EXOC3L2: variants seen among roughly 807,000 people sequenced by gnomAD.
EXOC3L2 encodes the protein exocyst complex component 3-like protein 2.
A neutral mutation model predicts 44.4 loss-of-function variants in EXOC3L2; 17 were observed. The observed-to-expected ratio is 0.38, with a 90% confidence interval of 0.26 to 0.57. The LOEUF (loss-of-function observed/expected upper bound fraction) is 0.57. EXOC3L2 is among the 20% of genes least tolerant of loss of function. The pLI, the probability that EXOC3L2 is intolerant of heterozygous loss-of-function variation, is 0.65. For synonymous variants in EXOC3L2, 256 were observed against 253.7 expected (o/e 1.01, Z -0.09); for missense variants, 541 against 588.4 (o/e 0.92, Z 0.83).
chr19:45,228,048 TG>T lies in EXOC3L2; in HGVS notation c.1397del (p.Ala466AspfsTer17). ...CCCCAAACTCCTGGCTGATGCGGGG[TG>T]CTCGCTCTGTGTGCTCTTCCAGCAG... Reference protein sequence around the residue: ...CELLEEHTERAPRISQEFGER... With the variant: ...CELLEEHTERXPRISQEFGER... On this transcript the variant is annotated frameshift_variant, in exon 6 of 12. Coordinates refer to ENST00000413988, the MANE Select transcript of EXOC3L2 (RefSeq NM_001382422.1). LOFTEE classifies it high-confidence loss of function. 1 of 1,613,860 alleles carries T rather than the reference TG, an allele frequency of 6.2e-7. No individual in the cohort carries two copies. Among genetic ancestry groups the T allele is most frequent in the Non-Finnish European group, 8.5e-7 (1 of 1,179,976 alleles).
Position 45,242,170 on chromosome 19 carries a change from G to A in EXOC3L2, c.-16-3109C>T, listed in dbSNP as rs577662300. 3.3e-5 allele frequency among the ~76,000 whole-genome samples: 5 copies of A among 152,246 alleles called. No individual in the cohort carries two copies. In the South Asian group the frequency reaches 6.2e-4, roughly 19 times the overall value. ...AAACAATGAAATAGTTCAAACATTC[G>A]GAAAAGTACAGAAGACAAGCTTAAT... is the stretch of plus-strand genomic sequence containing the variant. On this transcript the variant is annotated intron_variant, in intron 1 of 11. Coordinates refer to ENST00000413988, the MANE Select transcript of EXOC3L2 (RefSeq NM_001382422.1).
At chr19:45,217,416 G>T in intron 10 of EXOC3L2, 112 bp downstream of exon 10, 1 of 1,305,918 alleles carries the variant, frequency 7.7e-7, no homozygotes, top group Non-Finnish European at 1.0e-6. Flanking sequence ...TTGGGTGAGA[G>T]TTTCTGTCCT....
intron 8 of EXOC3L2, among the ~76,000 whole-genome samples, chr19:45,220,306 T>A (rs1969883205): frequency 6.6e-6 from 1 of 151,728 alleles, no homozygotes; most frequent in Non-Finnish European, 1.5e-5. Context: ...TCTATAATTT[T>A]TTTTTGTTTG....
rs189049349 is a variant in EXOC3L2, at chr19:45,230,051, G to A, written c.1269+1712C>T. Among the ~76,000 whole-genome samples, 1,289 of 151,730 alleles carry A rather than the reference G, an allele frequency of 8.5e-3. 8 individuals carry two copies. The highest frequency in any genetic ancestry group is 0.011 in the Non-Finnish European group (756 of 67,960). On this transcript the variant is annotated intron_variant, in intron 4 of 11. Coordinates refer to ENST00000413988, the MANE Select transcript of EXOC3L2 (RefSeq NM_001382422.1). ...AATATTGTTTTTCTTTAGAGGCCAC[G>A]TCTTGCTCTGTCCCCCAGGCTGGTG...
At chr19:45,225,000 G>A in intron 7 of EXOC3L2, 87 bp from the exon 8 acceptor site, 1 of 1,374,676 alleles carries the variant, frequency 7.3e-7, no homozygotes, top group Non-Finnish European at 9.5e-7. Context: ...TAGATCAGAG[G>A]GGCACAGGGG....
chr19:45,221,852 G>T (rs1969902058), intron 8 of EXOC3L2, among the ~76,000 whole-genome samples: 1 of 151,090 alleles, frequency 6.6e-6, no homozygotes, highest in African/African-American at 2.4e-5. Flanking sequence ...GCCTCATTAT[G>T]TTGCCCAGGC....
chr19:45,227,669 G>C lies in EXOC3L2; in HGVS notation c.1576C>G (p.Pro526Ala), dbSNP rs759520899. 2 of 1,610,820 alleles carry C rather than the reference G, an allele frequency of 1.2e-6. No homozygotes were observed. Among genetic ancestry groups the C allele is most frequent in the Admixed American group, 1.7e-5 (1 of 59,456 alleles). ...CACCATGGATGCCCTCACCTCAGTG[G>C]GGGGCCGCAGTTGACCAGGGCGATG... Reference protein sequence around the residue: ...KTIALVNCGPPLRALAERLAR... With the variant: ...KTIALVNCGPALRALAERLAR... Residue 526 changes from proline (P) to alanine (A), a missense_variant, in exon 7 of 12, where the codon CCA (proline) becomes GCA (alanine). By Grantham distance (27) the Pro-to-Ala change is conservative. Transcript: ENST00000413988.
At chr19:45,233,597 G>C (rs1054235953) in intron 3 of EXOC3L2, among the ~76,000 whole-genome samples, 1 of 152,110 alleles carries the variant, frequency 6.6e-6, no homozygotes, top group African/African-American at 2.4e-5. Flanking sequence ...TGGGCCCACC[G>C]TGCTGAGCTA....
At chr19:45,240,310 G>T (rs950159618) in intron 1 of EXOC3L2, among the ~76,000 whole-genome samples, 2 of 151,438 alleles carry the variant, frequency 1.3e-5, no homozygotes, top group East Asian at 3.9e-4. Flanking sequence ...TTGAGACAGG[G>T]TCTTGCTATG....
rs779671151 is a variant in EXOC3L2, at chr19:45,227,691, G to A, written c.1554C>T (p.Ile518=). The A allele has an allele frequency of 6.2e-6, 10 of 1,612,572 alleles. No homozygotes were observed. Among genetic ancestry groups the A allele is most frequent in the East Asian group, 2.2e-5 (1 of 44,872 alleles). ...GTGGGGGGCCGCAGTTGACCAGGGC[G>A]ATGGTCTTGCTGATATAGGTGTCAG... ...MLPDTYISKT[I]ALVNCGPPLR... Residue 518 remains isoleucine (I), a synonymous_variant, in exon 7 of 12, where the codon ATC becomes ATT. Transcript: ENST00000413988.
rs541623833 is a variant in EXOC3L2, at chr19:45,215,040, G to A, written c.2120+1033C>T. Among the ~76,000 whole-genome samples the A allele has an allele frequency of 1.2e-4, 18 of 151,940 alleles. No individual in the cohort carries two copies. The Middle Eastern group carries it at 0.021, about 173-fold the overall frequency. On this transcript the variant is annotated intron_variant, in intron 11 of 11. Coordinates refer to ENST00000413988, the MANE Select transcript of EXOC3L2 (RefSeq NM_001382422.1). ...GCGTGGTGGCACATGCCTATACTTGGGAGGCTGAGGCACAATAATCTCTTG... is the reference window on the plus strand; with the variant it reads ...GCGTGGTGGCACATGCCTATACTTGAGAGGCTGAGGCACAATAATCTCTTG...
intron 8 of EXOC3L2, among the ~76,000 whole-genome samples, chr19:45,218,819 C>T (rs73568210): frequency 0.014 from 2,098 of 152,122 alleles, 47 homozygotes; most frequent in African/African-American, 0.048. Flanking sequence ...TATTAAGGGC[C>T]GGGCACAGTG....
At chr19:45,220,023 A>G (rs1969880134) in intron 8 of EXOC3L2, among the ~76,000 whole-genome samples, 1 of 151,976 alleles carries the variant, frequency 6.6e-6, no homozygotes, top group Admixed American at 6.6e-5. Context: ...AATACAAAAA[A>G]TTAGCTAGGC....
intron 11 of EXOC3L2, among the ~76,000 whole-genome samples, chr19:45,214,996 A>C (rs1969818415): frequency 6.6e-6 from 1 of 151,848 alleles, no homozygotes; most frequent in Non-Finnish European, 1.5e-5. Flanking sequence ...TCTCTACTAA[A>C]AATACAAAAA....
At chr19:45,214,373 C>A (rs191732373) in intron 11 of EXOC3L2, among the ~76,000 whole-genome samples, 12 of 152,170 alleles carry the variant, frequency 7.9e-5, no homozygotes, top group African/African-American at 1.4e-4. Context: ...GGCGTTGCTC[C>A]GGCAGCCACC....
chr19:45,228,598 C>G (rs1001185061), intron 4 of EXOC3L2, among the ~76,000 whole-genome samples: 1 of 152,076 alleles, frequency 6.6e-6, no homozygotes, highest in Non-Finnish European at 1.5e-5. Flanking sequence ...ATGGAGAAAC[C>G]CCGTCTCTAC....
intron 2 of EXOC3L2, among the ~76,000 whole-genome samples, chr19:45,235,286 G>A (rs2122987635): frequency 6.6e-6 from 1 of 152,242 alleles, no homozygotes; most frequent in East Asian, 1.9e-4. Context: ...CATGTTGAGC[G>A]AGACTCTATC....
At chr19:45,222,425 T>A (rs1969908241) in intron 8 of EXOC3L2, among the ~76,000 whole-genome samples, 1 of 152,130 alleles carries the variant, frequency 6.6e-6, no homozygotes, top group Admixed American at 6.6e-5. Context: ...GGTCTCAAAC[T>A]CTTGACCTCA....
chr19:45,236,376 G>C (rs1035234328), intron 2 of EXOC3L2, among the ~76,000 whole-genome samples: 2 of 140,264 alleles, frequency 1.4e-5, no homozygotes, highest in African/African-American at 5.3e-5. Context: ...TGAGACAGGA[G>C]AATTGCTTGA....
Sources: gnomAD v4.1 joint callset for allele counts (sites outside exome capture counted in the v4.1 genomes callset) on GRCh38, gnomAD v4.1.1 for gene constraint, MANE v1.5 for transcripts, NCBI Gene and HGNC (gene_info 2026-07-23, HGNC 2026-07-21) for gene names.